GSKIP: variants seen among roughly 807,000 people sequenced by gnomAD.
GSKIP encodes GSK3B-interacting protein.
A neutral mutation model predicts 11.9 loss-of-function variants in GSKIP; 5 were observed. The observed-to-expected ratio is 0.42, with a 90% confidence interval of 0.22 to 0.89. GSKIP has a LOEUF of 0.89. Among genes scored for constraint, GSKIP ranks in the 40% least tolerant of loss-of-function variants. GSKIP has a pLI of 0.29. For missense variants in GSKIP, 150 were observed against 166.6 expected, an observed-to-expected ratio of 0.90 and a Z score of 0.55; for synonymous variants, 70 against 62.9, an observed-to-expected ratio of 1.11 and a Z score of -0.54.
At chr14:96,371,574 A>G (rs1165892449) in intron 1 of GSKIP, among the ~76,000 whole-genome samples, 1 of 151,080 alleles carries the variant, frequency 6.6e-6, no homozygotes. Flanking sequence ...CCTCCCCAGT[A>G]GCTGGGATTA....
At chr14:96,367,825 A>G (rs1257691999) in intron 1 of GSKIP, among the ~76,000 whole-genome samples, 2 of 152,236 alleles carry the variant, frequency 1.3e-5, no homozygotes, top group Non-Finnish European at 2.9e-5. Flanking sequence ...GAAACTTTAC[A>G]TCAGGTGATA....
At chr14:96,378,039 T>C (rs950080034) in intron 1 of GSKIP, among the ~76,000 whole-genome samples, 4 of 152,232 alleles carry the variant, frequency 2.6e-5, no homozygotes, top group African/African-American at 7.2e-5. Context: ...GCACCTTATG[T>C]TGCCCATCAA....
intron 2 of GSKIP, chr14:96,380,401 T>C (rs1380096137): frequency 6.6e-6 from 1 of 152,238 alleles, no homozygotes; most frequent in Non-Finnish European, 1.5e-5. Context: ...TCCAGCTTCT[T>C]AAGATTTTTG....
At chr14:96,372,870 C>T (rs2139933220) in intron 1 of GSKIP, among the ~76,000 whole-genome samples, 1 of 152,316 alleles carries the variant, frequency 6.6e-6, no homozygotes, top group South Asian at 2.1e-4. Flanking sequence ...GGGTCTCCCT[C>T]CAGCCTGTAG....
chr14:96,370,184 A>G (rs1889005547), intron 1 of GSKIP, among the ~76,000 whole-genome samples: 1 of 152,182 alleles, frequency 6.6e-6, no homozygotes, highest in African/African-American at 2.4e-5. Context: ...CTTTTCCGTC[A>G]TTGTGTATCT....
At chr14:96,384,297 A>G (rs543434595) in intron 3 of GSKIP, among the ~76,000 whole-genome samples, 26 of 152,242 alleles carry the variant, frequency 1.7e-4, no homozygotes, top group African/African-American at 6.3e-4. Flanking sequence ...GAAGAAGGCA[A>G]ACTGAACTGT....
chr14:96,367,985 A>G (rs1176155730), intron 1 of GSKIP, among the ~76,000 whole-genome samples: 2 of 152,136 alleles, frequency 1.3e-5, no homozygotes, highest in African/African-American at 2.4e-5. Context: ...CTCTGTAGAT[A>G]TTGATTTATG....
At chr14:96,374,900 C>CA (rs1274379625) in intron 1 of GSKIP, among the ~76,000 whole-genome samples, 1 of 151,732 alleles carries the variant, frequency 6.6e-6, no homozygotes, top group Non-Finnish European at 1.5e-5. Context: ...TGAAGGAGCA[C>CA]AAAAAATGGT....
intron 1 of GSKIP, among the ~76,000 whole-genome samples, chr14:96,371,262 C>T (rs1427835575): frequency 1.3e-5 from 2 of 152,062 alleles, no homozygotes; most frequent in Non-Finnish European, 2.9e-5. Context: ...CTGATGCTAC[C>T]AGTTATTTTA....
intron 1 of GSKIP, among the ~76,000 whole-genome samples, chr14:96,374,131 A>AT (rs1889133793): frequency 6.6e-6 from 1 of 152,236 alleles, no homozygotes; most frequent in Non-Finnish European, 1.5e-5. Context: ...GATTGAGCAA[A>AT]TTAAGCAAAG....
intron 1 of GSKIP, among the ~76,000 whole-genome samples, chr14:96,370,109 A>G (rs1218020994): frequency 2.0e-5 from 3 of 152,238 alleles, no homozygotes; most frequent in African/African-American, 7.2e-5. Flanking sequence ...TTAGATTCTC[A>G]TGGAGTATCT....
intron 3 of GSKIP, among the ~76,000 whole-genome samples, chr14:96,383,095 G>A (rs1889393343): frequency 6.6e-6 from 1 of 152,028 alleles, no homozygotes; most frequent in Non-Finnish European, 1.5e-5. Flanking sequence ...CATCACCTGA[G>A]AGCAACTTTT....
At chr14:96,379,828 G>A (rs1011442120) in intron 2 of GSKIP, 40 bp downstream of exon 2, 1 of 152,174 alleles carries the variant, frequency 6.6e-6, no homozygotes, top group Admixed American at 6.5e-5. Context: ...TTAAAAAAAA[G>A]CTTTATAAAT....
rs758844241 is a variant in GSKIP at position 96,385,585 on chromosome 14, C to G, written c.321C>G (p.Val107=). The part of the protein sequence containing the change: ...DHLQTPYHET[V]YSLLDTLSPA... ...TACAGACTCCCTACCATGAAACAGTCTACTCCTTGTTGGATACACTCAGCC... is the reference window on the plus strand; with the variant it reads ...TACAGACTCCCTACCATGAAACAGTGTACTCCTTGTTGGATACACTCAGCC... Residue 107 remains valine (V), a synonymous_variant, in exon 4 of 4, where the codon GTC becomes GTG. Coordinates refer to ENST00000555181, the MANE Select transcript of GSKIP (RefSeq NM_016472.5). 5 of 1,612,930 alleles carry G rather than the reference C, an allele frequency of 3.1e-6. No homozygotes were observed. The South Asian group carries it at 5.5e-5, about 18-fold the overall frequency.
intron 1 of GSKIP, among the ~76,000 whole-genome samples, chr14:96,370,084 C>T (rs1159165443): frequency 6.6e-6 from 1 of 152,258 alleles, no homozygotes; most frequent in Non-Finnish European, 1.5e-5. Flanking sequence ...GGTTTAATGT[C>T]TGCCCTGATG....
At chr14:96,373,612 A>AG (rs1252796255) in intron 1 of GSKIP, among the ~76,000 whole-genome samples, 1 of 151,858 alleles carries the variant, frequency 6.6e-6, no homozygotes, top group Non-Finnish European at 1.5e-5. Flanking sequence ...AAAAAAAAAA[A>AG]GAATTACAGG....
At chr14:96,376,028 G>T (rs768124639) in intron 1 of GSKIP, among the ~76,000 whole-genome samples, 1 of 152,206 alleles carries the variant, frequency 6.6e-6, no homozygotes, top group Non-Finnish European at 1.5e-5. Flanking sequence ...GTGCTGCCAC[G>T]TTGCATTGGA....
intron 1 of GSKIP, among the ~76,000 whole-genome samples, chr14:96,368,933 G>A (rs1398316307): frequency 1.3e-5 from 2 of 152,154 alleles, no homozygotes; most frequent in Non-Finnish European, 2.9e-5. Flanking sequence ...GAGCTTGAAG[G>A]GCTCAGAAAA....
chr14:96,377,549 A>G (rs539597220), intron 1 of GSKIP, among the ~76,000 whole-genome samples: 1 of 152,322 alleles, frequency 6.6e-6, no homozygotes, highest in Non-Finnish European at 1.5e-5. Context: ...GTATATTTAT[A>G]TGTCTTAAAT....
Sources: allele counts gnomAD v4.1 joint callset (sites outside exome capture counted in the v4.1 genomes callset), GRCh38; gene constraint gnomAD v4.1.1; transcripts MANE v1.5; gene names NCBI Gene and HGNC (gene_info 2026-07-23, HGNC 2026-07-21).